MAP2: variants seen among roughly 807,000 people sequenced by gnomAD.
MAP2 encodes microtubule associated protein 2.
A neutral mutation model predicts 137.6 loss-of-function variants in MAP2; 14 were observed. The ratio of observed to expected loss-of-function variants is 0.10; its 90% CI spans 0.07 to 0.16. The LOEUF (loss-of-function observed/expected upper bound fraction) is 0.16, where lower values mean the gene tolerates loss of function less well. MAP2 is among the 10% of genes least tolerant of loss of function. The pLI, the probability that MAP2 is intolerant of heterozygous loss-of-function variation, is 1.00. For missense variants in MAP2, 2,088 were observed against 2,191.5 expected (o/e 0.95, Z 0.94); for synonymous variants, 786 against 782.3 (o/e 1.00, Z -0.08).
chr2:209,504,886 T>C (rs2060841215), intron 1 of MAP2, among the ~76,000 whole-genome samples: 1 of 152,110 alleles, frequency 6.6e-6, no homozygotes, highest in South Asian at 2.1e-4. Context: ...TTTCATAGCC[T>C]AGTGTTCTTA....
At chr2:209,575,295 G>A (rs1476940852) in intron 2 of MAP2, among the ~76,000 whole-genome samples, 2 of 152,016 alleles carry the variant, frequency 1.3e-5, no homozygotes, top group African/African-American at 2.4e-5. Flanking sequence ...GCCAAGGCGG[G>A]CGGATCACGA....
At chr2:209,621,257 ATTTT>A (rs1186032597) in intron 3 of MAP2, among the ~76,000 whole-genome samples, 1 of 125,138 alleles carries the variant, frequency 8.0e-6, no homozygotes, top group Non-Finnish European at 1.7e-5. Flanking sequence ...AGGCATCTTG[ATTTT>A]TTTTTTTTTT....
At chr2:209,517,293 AT>A (rs2150347544) in intron 2 of MAP2, among the ~76,000 whole-genome samples, 1 of 152,208 alleles carries the variant, frequency 6.6e-6, no homozygotes, top group South Asian at 2.1e-4. Context: ...GGCAAAAGTT[AT>A]TTTAACTTTG....
At chr2:209,678,496 A>T (rs928165118) in intron 5 of MAP2, 76 bp from the exon 6 acceptor site, 2 of 675,494 alleles carry the variant, frequency 3.0e-6, no homozygotes, top group Admixed American at 2.8e-5. Context: ...AATCCACTAT[A>T]CTGTTTGGTT....
At chr2:209,508,242 T>G (rs2061307084) in intron 2 of MAP2, among the ~76,000 whole-genome samples, 1 of 151,912 alleles carries the variant, frequency 6.6e-6, no homozygotes, top group Non-Finnish European at 1.5e-5. Context: ...GGGATTTTAT[T>G]TATGCCTTCT....
At chr2:209,563,565 T>G (rs2072690678) in intron 2 of MAP2, among the ~76,000 whole-genome samples, 3 of 152,172 alleles carry the variant, frequency 2.0e-5, no homozygotes, top group African/African-American at 7.2e-5. Flanking sequence ...CCCCGTATAC[T>G]TCTCTAGCTC....
rs1454329000 is a variant in MAP2 at position 209,692,637 on chromosome 2, C to T, written c.467C>T (p.Ala156Val). ...TVTVEEDLLT[A>V]SKMEFHDQQE... ...CCGATTACTTCAGATTTACTTACAG[C>T]CTCGAAGATGGAGTTCCACGATCAA... Residue 156 changes from alanine to valine, a missense_variant, in exon 8 of 16, where the codon GCC becomes GTC. Ala to Val is a moderately conservative substitution (Grantham distance 64, BLOSUM62 0). Transcript: ENST00000682079. 1 of 1,576,140 alleles carries T rather than the reference C, an allele frequency of 6.3e-7. No individual in the cohort carries two copies. Among genetic ancestry groups the T allele is most frequent in the Non-Finnish European group, 8.6e-7 (1 of 1,166,648 alleles).
chr2:209,661,294 G>A (rs1164714098), intron 5 of MAP2, among the ~76,000 whole-genome samples: 5 of 151,974 alleles, frequency 3.3e-5, no homozygotes, highest in African/African-American at 7.3e-5. Context: ...TAATTTATGC[G>A]GAGCAAAATA....
At chr2:209,719,272 G>A (rs1217905286) in intron 13 of MAP2, among the ~76,000 whole-genome samples, 3 of 152,110 alleles carry the variant, frequency 2.0e-5, no homozygotes, top group Non-Finnish European at 2.9e-5. Flanking sequence ...ATGCCTGAGG[G>A]GGTCTAGACA....
intron 4 of MAP2, among the ~76,000 whole-genome samples, chr2:209,643,547 A>G (rs1248286410): frequency 6.6e-6 from 1 of 152,220 alleles, no homozygotes; most frequent in East Asian, 1.9e-4. Flanking sequence ...AATGGTAAAG[A>G]AAATTGTAAC....
chr2:209,653,753 T>C (rs1159793401), intron 5 of MAP2, among the ~76,000 whole-genome samples: 1 of 152,210 alleles, frequency 6.6e-6, no homozygotes, highest in Non-Finnish European at 1.5e-5. Context: ...TTTTTTTAAT[T>C]CTCTTAAATG....
At chr2:209,551,538 T>A (rs531415073) in intron 2 of MAP2, among the ~76,000 whole-genome samples, 1 of 152,312 alleles carries the variant, frequency 6.6e-6, no homozygotes, top group Non-Finnish European at 1.5e-5. Flanking sequence ...TAGAGGACAT[T>A]GTGATAACTT....
At chr2:209,705,559 C>G in intron 11 of MAP2, 21 bp from the exon 12 acceptor site, 1 of 1,565,740 alleles carries the variant, frequency 6.4e-7, no homozygotes. Context: ...ACCCAATGTT[C>G]TTTTTGTTTT....
chr2:209,655,090 C>T (rs2153614963), intron 5 of MAP2, among the ~76,000 whole-genome samples: 1 of 152,272 alleles, frequency 6.6e-6, no homozygotes, highest in East Asian at 1.9e-4. Flanking sequence ...TCAGAAAAAT[C>T]TATTTGTCAA....
intron 5 of MAP2, among the ~76,000 whole-genome samples, chr2:209,663,413 C>T (rs189217305): frequency 6.6e-6 from 1 of 152,240 alleles, no homozygotes; most frequent in African/African-American, 2.4e-5. Flanking sequence ...CACTGTGTAG[C>T]TCGTCTCACT....
At chr2:209,449,761 A>T (rs556680142) in intron 1 of MAP2, among the ~76,000 whole-genome samples, 1 of 152,084 alleles carries the variant, frequency 6.6e-6, no homozygotes, top group African/African-American at 2.4e-5. Flanking sequence ...CTGACTTCTC[A>T]TCAGATCTGA....
chr2:209,449,538 T>C (rs974871198), intron 1 of MAP2, among the ~76,000 whole-genome samples: 7 of 151,436 alleles, frequency 4.6e-5, no homozygotes, highest in Admixed American at 1.3e-4. Flanking sequence ...TTAATAGTTA[T>C]GTAGTTCAGA....
chr2:209,660,565 T>G (rs2043007792), intron 5 of MAP2, among the ~76,000 whole-genome samples: 1 of 147,696 alleles, frequency 6.8e-6, no homozygotes, highest in Non-Finnish European at 1.5e-5. Flanking sequence ...GCTAATTTTT[T>G]TTGTATTTTT....
chr2:209,701,604 T>G (rs1302442058), intron 11 of MAP2, among the ~76,000 whole-genome samples: 1 of 152,050 alleles, frequency 6.6e-6, no homozygotes, highest in Non-Finnish European at 1.5e-5. Flanking sequence ...ATTTTAGACT[T>G]CCACTTTTAT....
Sources: gnomAD v4.1 joint callset for allele counts (sites outside exome capture counted in the v4.1 genomes callset) on GRCh38, gnomAD v4.1.1 for gene constraint, MANE v1.5 for transcripts, NCBI Gene and HGNC (gene_info 2026-07-23, HGNC 2026-07-21) for gene names.